GOLM2: variants seen among roughly 807,000 people sequenced by gnomAD.
The protein encoded by GOLM2 is golgi membrane protein 2, also known as protein GOLM2.
GOLM2 carries 26 observed loss-of-function variants against 55.9 expected under a neutral mutation model. The observed-to-expected ratio is 0.47, with a 90% confidence interval of 0.34 to 0.65. The LOEUF is 0.65. GOLM2 is among the 30% of genes least tolerant of loss of function. The pLI is 0.01. For synonymous variants in GOLM2, 165 were observed against 194.6 expected, an observed-to-expected ratio of 0.85 and a Z score of 1.27; for missense variants, 486 against 531.8, an observed-to-expected ratio of 0.91 and a Z score of 0.85.
intron 6 of GOLM2, among the ~76,000 whole-genome samples, chr15:44,365,817 C>T (rs965165848): frequency 7.9e-5 from 12 of 152,140 alleles, no homozygotes; most frequent in Admixed American, 7.9e-4. Context: ...CAAGAATGAA[C>T]CCTAATGTAA....
At chr15:44,292,965 C>A (rs913499643) in intron 1 of GOLM2, among the ~76,000 whole-genome samples, 2 of 152,102 alleles carry the variant, frequency 1.3e-5, no homozygotes, top group Non-Finnish European at 2.9e-5. Flanking sequence ...TAGGTGCATG[C>A]CACCATGATG....
chr15:44,351,217 GATTCC>G (rs1393100501), intron 6 of GOLM2, among the ~76,000 whole-genome samples: 2 of 152,020 alleles, frequency 1.3e-5, no homozygotes, highest in African/African-American at 4.8e-5. Flanking sequence ...AAGGTGAAAG[GATTCC>G]CACTTTAAGC....
At chr15:44,361,064 G>T (rs1171998655) in intron 6 of GOLM2, among the ~76,000 whole-genome samples, 1 of 149,976 alleles carries the variant, frequency 6.7e-6, no homozygotes, top group Non-Finnish European at 1.5e-5. Context: ...GTGTGTAGAG[G>T]GAAATTTATA....
chr15:44,401,214 T>C (rs760616100), intron 8 of GOLM2, among the ~76,000 whole-genome samples: 1 of 152,076 alleles, frequency 6.6e-6, no homozygotes, highest in Non-Finnish European at 1.5e-5. Context: ...TGACCTCAAA[T>C]GATCCTCCTG....
chr15:44,303,230 A>G (rs573574131), intron 1 of GOLM2, among the ~76,000 whole-genome samples: 1 of 152,284 alleles, frequency 6.6e-6, no homozygotes, highest in Non-Finnish European at 1.5e-5. Context: ...TGATTTAGCA[A>G]TTTGTATTGC....
At chr15:44,305,308 T>C (rs1265381286) in intron 1 of GOLM2, among the ~76,000 whole-genome samples, 2 of 150,386 alleles carry the variant, frequency 1.3e-5, no homozygotes, top group African/African-American at 4.9e-5. Context: ...ATTATTATAA[T>C]TTTTTTTTTG....
chr15:44,333,356 A>G (rs1281579885), intron 4 of GOLM2, among the ~76,000 whole-genome samples: 1 of 152,266 alleles, frequency 6.6e-6, no homozygotes, highest in Non-Finnish European at 1.5e-5. Flanking sequence ...TAGCATCTCA[A>G]CTAAAGGACT....
chr15:44,369,067 TTATATATATATATATATATATATA>T lies in GOLM2; in HGVS notation c.803-10596_803-10573del, dbSNP rs58317520. Among the ~76,000 whole-genome samples the T allele has an allele frequency of 6.0e-3, 137 of 22,982 alleles. 2 individuals carry two copies. Among genetic ancestry groups the T allele is most frequent in the South Asian group, 9.4e-3 (5 of 534 alleles). 15.1% of individuals were successfully genotyped at this position (22,982 alleles called of 152,430 possible). On this transcript the variant is annotated intron_variant, in intron 6 of 9. Transcript: ENST00000299957. ...AGATATATACATATAATAGGATATA[TTATATATATATATATATATATATA>T]TATATATATATATATATATATATAT...
At chr15:44,405,308 A>C (rs1473439719) in intron 9 of GOLM2, 1 of 152,164 alleles carries the variant, frequency 6.6e-6, no homozygotes, top group Admixed American at 6.6e-5. Flanking sequence ...GGATTTCCCT[A>C]TTTGCAAGTT....
At chr15:44,349,905 G>A (rs928445062) in intron 6 of GOLM2, among the ~76,000 whole-genome samples, 19 of 152,166 alleles carry the variant, frequency 1.2e-4, no homozygotes, top group African/African-American at 4.3e-4. Context: ...GTGGGTCGAT[G>A]AAGAGATTAA....
intron 1 of GOLM2, among the ~76,000 whole-genome samples, chr15:44,311,458 G>T (rs757644047): frequency 1.3e-5 from 2 of 151,852 alleles, no homozygotes; most frequent in Non-Finnish European, 2.9e-5. Flanking sequence ...GTCTGAAAAA[G>T]ATTGCTTTTC....
intron 1 of GOLM2, among the ~76,000 whole-genome samples, chr15:44,291,541 A>G (rs1052058452): frequency 3.3e-5 from 5 of 152,202 alleles, no homozygotes; most frequent in African/African-American, 1.2e-4. Flanking sequence ...TGAAGGTCAC[A>G]AATGGCAGTC....
intron 1 of GOLM2, among the ~76,000 whole-genome samples, chr15:44,302,146 ATTT>A (rs374509457): frequency 7.1e-6 from 1 of 141,098 alleles, no homozygotes. Context: ...TTTACATTTA[ATTT>A]TTTTTTTTTT....
intron 1 of GOLM2, among the ~76,000 whole-genome samples, chr15:44,303,732 ATTTTT>A (rs541563417): frequency 1.5e-5 from 2 of 130,804 alleles, no homozygotes; most frequent in South Asian, 2.4e-4. Context: ...CACCTGGCTA[ATTTTT>A]TTTTTTTTTT....
intron 1 of GOLM2, among the ~76,000 whole-genome samples, chr15:44,310,342 A>G (rs577580705): frequency 5.9e-5 from 9 of 152,050 alleles, no homozygotes; most frequent in Non-Finnish European, 1.0e-4. Flanking sequence ...AAGAGAACCA[A>G]CTAAAAAGAC....
At chr15:44,393,341 A>G (rs2079504285) in intron 8 of GOLM2, among the ~76,000 whole-genome samples, 1 of 152,194 alleles carries the variant, frequency 6.6e-6, no homozygotes, top group African/African-American at 2.4e-5. Context: ...TATTGTTCAC[A>G]GAAATTAATT....
chr15:44,360,453 A>T (rs943410945), intron 6 of GOLM2, among the ~76,000 whole-genome samples: 1 of 152,220 alleles, frequency 6.6e-6, no homozygotes, highest in Non-Finnish European at 1.5e-5. Context: ...AAAGAGACAA[A>T]GAAGGCCATT....
Position 44,388,909 on chromosome 15 carries a change from G to A in GOLM2, c.1072+7933G>A, listed in dbSNP as rs548684065. ...TGGCTCACTGCAAGCTCCGCCTCCC[G>A]GGTTCACGCCATTCTCCTGCCTCAG... is the stretch of plus-strand genomic sequence containing the variant. On this transcript the variant is annotated intron_variant, in intron 8 of 9. Transcript: ENST00000299957. Among the ~76,000 whole-genome samples the A allele has an allele frequency of 4.5e-3, 688 of 151,958 alleles. 3 individuals are homozygous for A. Among genetic ancestry groups the A allele is most frequent in the African/African-American group, 0.016 (644 of 41,498 alleles).
chr15:44,355,336 G>A (rs774640986), intron 6 of GOLM2: 2 of 161,692 alleles, frequency 1.2e-5, no homozygotes, highest in Non-Finnish European at 2.7e-5. Context: ...CCATGGCTGT[G>A]GGCAAGGACA....
Sources: allele counts gnomAD v4.1 joint callset (sites outside exome capture counted in the v4.1 genomes callset), GRCh38; gene constraint gnomAD v4.1.1; transcripts MANE v1.5; gene names NCBI Gene and HGNC (gene_info 2026-07-23, HGNC 2026-07-21).